PCDHA5: variants seen among roughly 807,000 people sequenced by gnomAD.
PCDHA5 encodes the protein protocadherin alpha 5.
A neutral mutation model predicts 61.6 loss-of-function variants in PCDHA5; 43 were observed. The observed-to-expected ratio is 0.70, with a 90% CI of 0.55 to 0.90. The LOEUF is 0.90. PCDHA5 is among the 40% of genes least tolerant of loss of function. The pLI is 0.00. For synonymous variants in PCDHA5, 627 were observed against 543.9 expected, an observed-to-expected ratio of 1.15 and a Z score of -2.13; for missense variants, 1,298 against 1,222.7, an observed-to-expected ratio of 1.06 and a Z score of -0.92.
chr5:140,913,960 T>A (rs114058923), intron 1 of PCDHA5, among the ~76,000 whole-genome samples: 2,762 of 152,276 alleles, frequency 0.018, 70 homozygotes, highest in African/African-American at 0.054. Context: ...ATATCATTTT[T>A]AAAAAAATAT....
Position 140,838,414 on chromosome 5 carries a change from G to A in PCDHA5, c.2352+14287G>A, listed in dbSNP as rs2150289048. 3.3e-5 allele frequency among the ~76,000 whole-genome samples: 5 copies of A among 151,096 alleles called. No homozygotes were observed. The South Asian group carries it at 6.3e-4, about 19-fold the overall frequency. On this transcript the variant is annotated intron_variant, in intron 1 of 3. Coordinates refer to ENST00000529859, the MANE Select transcript of PCDHA5 (RefSeq NM_018908.3). ...GCTGGGATTACAGGAGTGAGCCACC[G>A]CATCCGGCCTAAATTATATATTGGG...
At chr5:140,911,539 C>T (rs1554194791) in intron 1 of PCDHA5, among the ~76,000 whole-genome samples, 1 of 152,194 alleles carries the variant, frequency 6.6e-6, no homozygotes, top group African/African-American at 2.4e-5. Context: ...ATTAGAATCC[C>T]TAAGTTCATC....
At chr5:140,988,634 T>G (rs1405160822) in intron 3 of PCDHA5, among the ~76,000 whole-genome samples, 1 of 152,218 alleles carries the variant, frequency 6.6e-6, no homozygotes, top group Non-Finnish European at 1.5e-5. Flanking sequence ...GTCCTGGTTT[T>G]CTGAAATTAA....
intron 1 of PCDHA5, chr5:140,850,814 C>T: frequency 6.3e-7 from 1 of 1,598,286 alleles, no homozygotes; most frequent in South Asian, 1.1e-5. Context: ...TGGCCTTCAG[C>T]CCGGGCCTTT....
At chr5:140,931,744 C>G (rs2087714665) in intron 1 of PCDHA5, among the ~76,000 whole-genome samples, 5 of 151,904 alleles carry the variant, frequency 3.3e-5, no homozygotes, top group Admixed American at 3.3e-4. Flanking sequence ...TTGTAATTCA[C>G]AAAGGCATTT....
At chr5:140,967,022 A>G (rs2096084806) in intron 1 of PCDHA5, 1 of 1,608,014 alleles carries the variant, frequency 6.2e-7, no homozygotes, top group Middle Eastern at 1.7e-4. Context: ...GGGTGCGCCC[A>G]GTCCGCGCTA....
intron 3 of PCDHA5, among the ~76,000 whole-genome samples, chr5:140,998,708 GC>G (rs1350967952): frequency 1.3e-5 from 2 of 152,024 alleles, no homozygotes; most frequent in Admixed American, 6.6e-5. Context: ...GGGATTACAA[GC>G]TTGCACCACC....
intron 3 of PCDHA5, among the ~76,000 whole-genome samples, chr5:141,004,051 A>G (rs2098149842): frequency 6.6e-6 from 1 of 152,240 alleles, no homozygotes; most frequent in East Asian, 1.9e-4. Flanking sequence ...ATTTGCTGAT[A>G]CTGGCCCCTG....
chr5:140,850,847 G>C (rs2150500244), intron 1 of PCDHA5: 5 of 1,596,668 alleles, frequency 3.1e-6, no homozygotes, highest in Non-Finnish European at 4.3e-6. Context: ...GATCTACAGA[G>C]CGAACGGGAG....
At chr5:140,883,759 G>A (rs1554179777) in intron 1 of PCDHA5, 1 of 1,612,704 alleles carries the variant, frequency 6.2e-7, no homozygotes, top group African/African-American at 1.3e-5. Context: ...TGGTGGAGCG[G>A]CGGGTGGGCG....
At position 140,843,574 on chromosome 5, in the gene PCDHA5, G is replaced by A. The variant is rs2150362915; in HGVS notation, c.2352+19447G>A. 1.8e-5 allele frequency: 28 copies of A among 1,595,908 alleles called. 3 individuals are homozygous for A. The highest frequency in any genetic ancestry group is 1.7e-4 in the Middle Eastern group (1 of 5,996). On this transcript the variant is annotated intron_variant, in intron 1 of 3. Coordinates refer to ENST00000529859, the MANE Select transcript of PCDHA5 (RefSeq NM_018908.3). ...GTGCGGTGGGGAGCTGGTCATACTCGCAACAACAGCCGCAGAGGGTGTGCT... is the reference window on the plus strand; with the variant it reads ...GTGCGGTGGGGAGCTGGTCATACTCACAACAACAGCCGCAGAGGGTGTGCT...
At chr5:140,929,293 A>G in intron 1 of PCDHA5, 1 of 1,594,458 alleles carries the variant, frequency 6.3e-7, no homozygotes, top group Non-Finnish European at 8.6e-7. Flanking sequence ...GATTCGGAAT[A>G]GGAAAGGGGA....
chr5:140,954,599 C>T (rs1554221480), intron 1 of PCDHA5, among the ~76,000 whole-genome samples: 1 of 152,042 alleles, frequency 6.6e-6, no homozygotes, highest in East Asian at 1.9e-4. Flanking sequence ...ATGTTCTTTG[C>T]CCACTTTTTA....
At position 140,851,996 on chromosome 5, in the gene PCDHA5, G is replaced by A. The variant is rs782761862; in HGVS notation, c.2352+27869G>A. ...TACCTTTAGTGCAAGCTATTTGTTT[G>A]TTTTCTAATTTATAGTTTTAAAAAC... On this transcript the variant is annotated intron_variant, in intron 1 of 3. Transcript: ENST00000529859. The A allele has an allele frequency of 4.9e-4, 481 of 975,902 alleles. 33 individuals carry two copies. Among genetic ancestry groups the A allele is most frequent in the Admixed American group, 1.4e-3 (23 of 15,868 alleles). The allele number at this position is 975,902 out of a possible 1,614,324, so 60.5% of individuals were successfully genotyped here.
chr5:140,875,485 G>C (rs367652529), intron 1 of PCDHA5: 10 of 1,611,542 alleles, frequency 6.2e-6, no homozygotes, highest in Non-Finnish European at 7.6e-6. Context: ...GGTGATTATC[G>C]GACCAAGAGG....
At chr5:140,887,459 G>T (rs532781133) in intron 1 of PCDHA5, among the ~76,000 whole-genome samples, 4 of 152,126 alleles carry the variant, frequency 2.6e-5, no homozygotes, top group Non-Finnish European at 5.9e-5. Flanking sequence ...TTTTTTAAAA[G>T]ATATAATTCA....
chr5:140,835,187 T>A (rs2150231689), intron 1 of PCDHA5: 1 of 1,533,756 alleles, frequency 6.5e-7, no homozygotes, highest in Non-Finnish European at 8.8e-7. Context: ...ATGCCTCAGA[T>A]TTAGACGAAG....
chr5:140,901,356 T>C (rs1554189806), intron 1 of PCDHA5, among the ~76,000 whole-genome samples: 1 of 152,232 alleles, frequency 6.6e-6, no homozygotes, highest in Non-Finnish European at 1.5e-5. Context: ...GTCTTAGATT[T>C]AAGTCTTTAA....
In PCDHA5 at chr5:140,857,194, A is replaced by G. The variant is rs187713139; in HGVS notation, c.2352+33067A>G. On this transcript the variant is annotated intron_variant, in intron 1 of 3. Transcript: ENST00000529859. ...CTGACCATGATTCAGGAGCCAACGG[A>G]CAGGTCACCTGCTCTCTGACGCCTC... 4 of 1,598,542 alleles carry G rather than the reference A, an allele frequency of 2.5e-6. 1 individual carries two copies. The highest frequency in any genetic ancestry group is 1.3e-5 in the African/African-American group (1 of 74,440).
Sources: allele counts gnomAD v4.1 joint callset (sites outside exome capture counted in the v4.1 genomes callset), GRCh38; gene constraint gnomAD v4.1.1; transcripts MANE v1.5; gene names NCBI Gene and HGNC (gene_info 2026-07-23, HGNC 2026-07-21).